RNF170: variants seen among roughly 807,000 people sequenced by gnomAD.
RNF170 encodes the protein E3 ubiquitin-protein ligase RNF170.
A neutral mutation model predicts 32.7 loss-of-function variants in RNF170; 12 were observed. That is an observed-to-expected ratio of 0.37 (90% CI 0.24 to 0.60). The LOEUF (loss-of-function observed/expected upper bound fraction) is 0.60. RNF170 is among the 20% of genes least tolerant of loss of function. The pLI, the probability that RNF170 is intolerant of heterozygous loss-of-function variation, is 0.72. For missense variants in RNF170, 212 were observed against 311.2 expected, an observed-to-expected ratio of 0.68 and a Z score of 2.40; for synonymous variants, 91 against 103.6, an observed-to-expected ratio of 0.88 and a Z score of 0.74.
Position 42,854,161 on chromosome 8 carries a change from C to A in RNF170, c.*1998G>T. The A allele has an allele frequency of 2.3e-6, 3 of 1,287,174 alleles. No individual in the cohort carries two copies. The highest frequency in any genetic ancestry group is 3.0e-6 in the Non-Finnish European group (3 of 988,690). 79.7% of individuals were successfully genotyped at this position (1,287,174 alleles called of 1,614,324 possible). A position where few individuals can be genotyped will look rare whatever the true frequency, so the allele number is the denominator to read the frequency against. On this transcript the variant is annotated 3_prime_UTR_variant, in exon 7 of 7. Coordinates refer to ENST00000527424, the MANE Select transcript of RNF170 (RefSeq NM_030954.4). ...CTATTTGATTTGGAAGTGTAGAATT[C>A]GGATTCATGTCATCTCCACAGACCT...
upstream of RNF170, chr8:42,896,724 GGTGGCGGGGGCGCGCCCGGCGGCA>G (rs760654512): frequency 1.2e-4 from 18 of 151,334 alleles, 2 homozygotes; most frequent in South Asian, 3.1e-3. Flanking sequence ...GCAGCGAACT[GGTGGCGGGGGCGCGCCCGGCGGCA>G]GCGGCGGCGG....
rs769472272 is a variant in RNF170 at position 42,856,154 on chromosome 8, C to T, written c.*5G>A. 1 of 1,612,280 alleles carries T rather than the reference C, an allele frequency of 6.2e-7. No individual in the cohort carries two copies. Among genetic ancestry groups the T allele is most frequent in the South Asian group, 1.1e-5 (1 of 90,732 alleles). Reference sequence around the variant, plus strand: ...ATCCTAGTAAACTCAGTTTTGTTTTCTTTTTCATCTAGTTAGCCTTTGGGT... The same window carrying T: ...ATCCTAGTAAACTCAGTTTTGTTTTTTTTTTCATCTAGTTAGCCTTTGGGT... On this transcript the variant is annotated 3_prime_UTR_variant, in exon 7 of 7. Transcript: ENST00000527424.
intron 1 of RNF170, among the ~76,000 whole-genome samples, chr8:42,891,129 C>T (rs556624755): frequency 1.3e-5 from 2 of 152,304 alleles, no homozygotes; most frequent in East Asian, 3.9e-4. Flanking sequence ...AACTGAAGCC[C>T]AAGCAGTTGT....
intron 4 of RNF170, among the ~76,000 whole-genome samples, chr8:42,869,068 G>A (rs879865984): frequency 5.3e-5 from 8 of 152,014 alleles, no homozygotes; most frequent in Non-Finnish European, 1.2e-4. Flanking sequence ...GAGCTATTGC[G>A]CCTGGCTAAT....
intron 6 of RNF170, among the ~76,000 whole-genome samples, chr8:42,859,927 G>A (rs1462140131): frequency 6.6e-6 from 1 of 152,158 alleles, no homozygotes; most frequent in Non-Finnish European, 1.5e-5. Context: ...CAGGATTACA[G>A]GCATGAGCCA....
intron 4 of RNF170, among the ~76,000 whole-genome samples, chr8:42,866,376 C>A (rs1163098352): frequency 6.6e-6 from 1 of 151,734 alleles, no homozygotes; most frequent in Non-Finnish European, 1.5e-5. Context: ...CCCATCTCTA[C>A]AAAAATACAA....
chr8:42,880,485 T>C (rs893476113), intron 2 of RNF170, among the ~76,000 whole-genome samples: 2 of 152,102 alleles, frequency 1.3e-5, no homozygotes, highest in African/African-American at 2.4e-5. Flanking sequence ...TTTTAAGAAA[T>C]TGCCAGCCAG....
rs981986931 is a variant in RNF170 at position 42,887,676 on chromosome 8, A to G, written c.137+52T>C. 5 of 1,576,548 alleles carry G rather than the reference A, an allele frequency of 3.2e-6. No individual in the cohort carries two copies. The South Asian group carries it at 5.5e-5, about 17-fold the overall frequency. The stretch of plus-strand genomic sequence containing the variant: ...AGTATTATACATTATTAGGGGTCAA[A>G]AAGTCAGCAGCCCTTGCAAATCTAC... On this transcript the variant is annotated intron_variant, in intron 2 of 6. Transcript: ENST00000527424.
intron 4 of RNF170, among the ~76,000 whole-genome samples, chr8:42,867,141 T>C (rs937590694): frequency 2.0e-5 from 3 of 152,182 alleles, no homozygotes; most frequent in Admixed American, 6.6e-5. Context: ...CAAATCAATG[T>C]AGAAGGCAAA....
At chr8:42,884,500 C>T (rs1805653487) in intron 2 of RNF170, among the ~76,000 whole-genome samples, 1 of 151,846 alleles carries the variant, frequency 6.6e-6, no homozygotes, top group African/African-American at 2.4e-5. Flanking sequence ...CTAAGCTAGA[C>T]ATCCCTCCTT....
At chr8:42,851,820 C>T (rs903700851), downstream of RNF170, among the ~76,000 whole-genome samples, 3 of 152,006 alleles carry the variant, frequency 2.0e-5, no homozygotes, top group Admixed American at 6.6e-5. Context: ...TTTGTAGAGA[C>T]GGGGGTCTCA....
chr8:42,854,591 T>C lies in RNF170; in HGVS notation c.*1568A>G. ...TCCAAATTAGAAAAACACATATTGA[T>C]ATTTCATTCAGAATCTCATTAATTG... is the stretch of plus-strand genomic sequence containing the variant. On this transcript the variant is annotated 3_prime_UTR_variant, in exon 7 of 7. Transcript: ENST00000527424. The C allele has an allele frequency of 7.8e-7, 1 of 1,287,156 alleles. No individual in the cohort carries two copies. Among genetic ancestry groups the C allele is most frequent in the Non-Finnish European group, 1.0e-6 (1 of 988,586 alleles). 79.7% of individuals were successfully genotyped at this position (1,287,156 alleles called of 1,614,324 possible). A position where few individuals can be genotyped will look rare whatever the true frequency, so the allele number is the denominator to read the frequency against.
At position 42,855,414 on chromosome 8, in the gene RNF170, T is replaced by C; in HGVS notation, c.*745A>G. The C allele has an allele frequency of 2.9e-6, 2 of 698,636 alleles. No homozygotes were observed. The highest frequency in any genetic ancestry group is 4.3e-6 in the Non-Finnish European group (2 of 468,848). 43.3% of individuals were successfully genotyped at this position (698,636 alleles called of 1,614,324 possible). A position where few individuals can be genotyped will look rare whatever the true frequency, so the allele number is the denominator to read the frequency against. ...TTTTAGTAGAGACGGGGTTTCACCA[T>C]GTTAGCCAGGATGGTCCTGATCTCC... On this transcript the variant is annotated 3_prime_UTR_variant, in exon 7 of 7. Transcript: ENST00000527424.
chr8:42,851,559 C>G (rs1227918239), downstream of RNF170, among the ~76,000 whole-genome samples: 1 of 140,464 alleles, frequency 7.1e-6, no homozygotes, highest in Non-Finnish European at 1.5e-5. Context: ...AGTGAGACTC[C>G]GTCTCAAAAA....
chr8:42,897,268 C>A, upstream of RNF170: 1 of 1,002,402 alleles, frequency 1.0e-6, no homozygotes, highest in Non-Finnish European at 1.3e-6. Flanking sequence ...GCCCGTGGGG[C>A]GAGCGCTGCG....
intron 2 of RNF170, among the ~76,000 whole-genome samples, chr8:42,877,568 G>A (rs1193694306): frequency 1.3e-5 from 2 of 152,142 alleles, no homozygotes; most frequent in Non-Finnish European, 2.9e-5. Flanking sequence ...AATAGGGAAA[G>A]TACCCTCTTT....
At chr8:42,867,274 C>T (rs1804154195) in intron 4 of RNF170, among the ~76,000 whole-genome samples, 1 of 150,104 alleles carries the variant, frequency 6.7e-6, no homozygotes, top group Non-Finnish European at 1.5e-5. Context: ...GAGTTCGAGA[C>T]CAGCCTGACC....
At position 42,873,954 on chromosome 8, in the gene RNF170, G is replaced by A. The variant is rs1804714543; in HGVS notation, c.190C>T (p.Arg64Ter). ...ACCTGTTCTGTTTGAAGCTGTTCTC[G>A]AAGTACCCTTACTAGCTCCTGGTTT... Reference protein sequence around the residue: ...PENQELVRVLREQLQTEQDAP... With the variant: ...PENQELVRVL Residue 64 changes from arginine to a stop codon, truncating the protein, a stop_gained, in exon 3 of 7, where the codon CGA becomes TGA. Coordinates refer to ENST00000527424, the MANE Select transcript of RNF170 (RefSeq NM_030954.4). LOFTEE classifies it high-confidence loss of function. 1.3e-6 allele frequency: 2 copies of A among 1,598,878 alleles called. No individual in the cohort carries two copies. The highest frequency in any genetic ancestry group is 1.7e-6 in the Non-Finnish European group (2 of 1,166,332).
At position 42,855,616 on chromosome 8, in the gene RNF170, C is replaced by T; in HGVS notation, c.*543G>A. The stretch of plus-strand genomic sequence containing the variant: ...TTCTTCTTTCAGTTTCAGCTGATAG[C>T]AAATAATTAATTATACCAGAATGAA... On this transcript the variant is annotated 3_prime_UTR_variant, in exon 7 of 7. Transcript: ENST00000527424. 1 of 1,280,698 alleles carries T rather than the reference C, an allele frequency of 7.8e-7. No homozygotes were observed. Among genetic ancestry groups the T allele is most frequent in the South Asian group, 1.2e-5 (1 of 80,782 alleles). 79.3% of individuals were successfully genotyped at this position (1,280,698 alleles called of 1,614,324 possible).
Sources: allele counts gnomAD v4.1 joint callset (sites outside exome capture counted in the v4.1 genomes callset), GRCh38; gene constraint gnomAD v4.1.1; transcripts MANE v1.5; gene names NCBI Gene and HGNC (gene_info 2026-07-23, HGNC 2026-07-21).